Variants in PHKB observed in about 807,000 individuals in gnomAD.
PHKB encodes phosphorylase kinase regulatory subunit beta.
A neutral mutation model predicts 152.1 loss-of-function variants in PHKB; 122 were observed. That is an observed-to-expected ratio of 0.80 (90% CI 0.69 to 0.93). The LOEUF (loss-of-function observed/expected upper bound fraction) is 0.93, where lower values mean the gene tolerates loss of function less well. PHKB is among the 40% of genes least tolerant of loss of function. The probability of loss-of-function intolerance (pLI) is 0.00; values close to 1 mark genes in which losing one functional copy is unlikely to be tolerated. For missense variants in PHKB, 1,304 were observed against 1,328.4 expected (o/e 0.98, Z 0.29); for synonymous variants, 436 against 464.9 (o/e 0.94, Z 0.80).
chr16:47,610,855 G>A lies in PHKB; in HGVS notation c.1393G>A (p.Asp465Asn). 1.9e-6 allele frequency: 3 copies of A among 1,608,658 alleles called. No homozygotes were observed. The highest frequency in any genetic ancestry group is 2.2e-5 in the South Asian group (2 of 90,968). Reference sequence around the variant, plus strand: ...TGAACTTATTAGTCCTAAAGACATTGATCCTGTCCAGCGCTATGTCCCACT... The same window carrying A: ...TGAACTTATTAGTCCTAAAGACATTAATCCTGTCCAGCGCTATGTCCCACT... ...ADELISPKDI[D>N]PVQRYVPLKD... The change falls in exon 14 of 31, where the codon GAT (aspartate) becomes AAT (asparagine). Residue 465 changes from aspartate to asparagine, a missense_variant. By Grantham distance (23) the Asp-to-Asn change is conservative (BLOSUM62 1). Transcript: ENST00000323584.
At chr16:47,631,319 C>T (rs766724127) in intron 14 of PHKB, among the ~76,000 whole-genome samples, 7 of 152,144 alleles carry the variant, frequency 4.6e-5, no homozygotes, top group Admixed American at 2.0e-4. Flanking sequence ...TTAAACCGCT[C>T]GTCACCTCAG....
At chr16:47,680,702 A>G (rs1037047029) in intron 26 of PHKB, among the ~76,000 whole-genome samples, 6 of 151,476 alleles carry the variant, frequency 4.0e-5, no homozygotes, top group Non-Finnish European at 8.8e-5. Flanking sequence ...AGTTTTGTTG[A>G]TCTTTTCAAA....
At chr16:47,610,781 A>G in intron 13 of PHKB, 45 bp from the exon 14 acceptor site, 1 of 1,046,488 alleles carries the variant, frequency 9.6e-7, no homozygotes. Context: ...TTATAGTGTT[A>G]TGCAAATGCA....
chr16:47,594,953 A>T (rs1334915518), intron 12 of PHKB, among the ~76,000 whole-genome samples: 1 of 152,224 alleles, frequency 6.6e-6, no homozygotes. Flanking sequence ...CAGATATCTC[A>T]GAGTAAATAC....
chr16:47,542,360 T>C (rs1971075537), intron 6 of PHKB, among the ~76,000 whole-genome samples: 1 of 152,156 alleles, frequency 6.6e-6, no homozygotes, highest in Non-Finnish European at 1.5e-5. Context: ...GTGGTGTCTA[T>C]CTCTGTTTTG....
At chr16:47,567,125 G>GA (rs1237829695) in intron 7 of PHKB, among the ~76,000 whole-genome samples, 1 of 151,906 alleles carries the variant, frequency 6.6e-6, no homozygotes, top group African/African-American at 2.4e-5. Flanking sequence ...CTAAATCTGT[G>GA]AAAAAATGAC....
intron 7 of PHKB, among the ~76,000 whole-genome samples, chr16:47,568,970 T>G (rs1971613398): frequency 6.6e-6 from 1 of 152,208 alleles, no homozygotes; most frequent in Non-Finnish European, 1.5e-5. Context: ...ATGTTCCATG[T>G]GCTGATGAGA....
chr16:47,555,651 T>C (rs922174696), intron 7 of PHKB, among the ~76,000 whole-genome samples: 7 of 152,240 alleles, frequency 4.6e-5, no homozygotes, highest in African/African-American at 1.7e-4. Context: ...GAGTGTCTTG[T>C]ACCATTAAAA....
chr16:47,489,833 A>G (rs540893733), intron 1 of PHKB, among the ~76,000 whole-genome samples: 4 of 152,298 alleles, frequency 2.6e-5, no homozygotes, highest in Admixed American at 1.3e-4. Context: ...AGTTTCTCCA[A>G]TTGTGTCCTG....
chr16:47,683,536 ACTCCGTGGCCATAGGACC>A (rs1973903756), intron 26 of PHKB, among the ~76,000 whole-genome samples: 1 of 151,800 alleles, frequency 6.6e-6, no homozygotes, highest in Non-Finnish European at 1.5e-5. Context: ...AATCAGCGAG[ACTCCGTGGCCATAGGACC>A]CTCCGAGCCA....
At chr16:47,511,637 T>C in intron 4 of PHKB, 28 bp from the exon 5 acceptor site, 1 of 1,403,296 alleles carries the variant, frequency 7.1e-7, no homozygotes. Flanking sequence ...GAATTACTAA[T>C]GTTGTTTAAT....
At chr16:47,571,927 G>A (rs1038753913) in intron 7 of PHKB, among the ~76,000 whole-genome samples, 2 of 152,114 alleles carry the variant, frequency 1.3e-5, no homozygotes, top group Non-Finnish European at 2.9e-5. Flanking sequence ...ATTCCCATGG[G>A]AATGGTGATC....
intron 6 of PHKB, among the ~76,000 whole-genome samples, chr16:47,541,633 T>G (rs980609029): frequency 3.3e-5 from 5 of 152,338 alleles, no homozygotes; most frequent in Admixed American, 2.6e-4. Flanking sequence ...AGTGTTCCTA[T>G]TTCTGCACAT....
At chr16:47,473,245 TTTTTTTTA>T in intron 1 of PHKB, among the ~76,000 whole-genome samples, 1 of 131,488 alleles carries the variant, frequency 7.6e-6, no homozygotes, top group Non-Finnish European at 1.6e-5. Flanking sequence ...TTTTTTTTTT[TTTTTTTTA>T]TTGTAGAGAC....
intron 14 of PHKB, among the ~76,000 whole-genome samples, chr16:47,635,540 T>C (rs1042966248): frequency 6.6e-6 from 1 of 152,176 alleles, no homozygotes; most frequent in Non-Finnish European, 1.5e-5. Context: ...CTTATAGAGA[T>C]AAGGAATGCT....
intron 7 of PHKB, among the ~76,000 whole-genome samples, chr16:47,572,036 G>A (rs1971668745): frequency 6.6e-6 from 1 of 152,180 alleles, no homozygotes; most frequent in Non-Finnish European, 1.5e-5. Context: ...CTTGGCAAGG[G>A]ATATAGTCAT....
chr16:47,499,620 A>G, intron 2 of PHKB, 136 bp from the exon 3 acceptor site: 10 of 986,204 alleles, frequency 1.0e-5, no homozygotes, highest in Non-Finnish European at 1.6e-5. Flanking sequence ...CCACATCTTC[A>G]GAAGTATTGT....
In PHKB at chr16:47,472,379, C is replaced by T. The variant is rs145764655; in HGVS notation, c.76+10953C>T. Among the ~76,000 whole-genome samples, 1,086 of 152,256 alleles carry T rather than the reference C, an allele frequency of 7.1e-3. 17 individuals are homozygous for T. The highest frequency in any genetic ancestry group is 0.025 in the African/African-American group (1,040 of 41,530). On this transcript the variant is annotated intron_variant, in intron 1 of 30. Transcript: ENST00000323584. The stretch of plus-strand genomic sequence containing the variant: ...CTGATTAGAAAACAACTGCCCATTG[C>T]GGTGGCTCATGCCTGTAATCCTAGC...
chr16:47,631,643 G>A (rs1597137484), intron 14 of PHKB, among the ~76,000 whole-genome samples: 1 of 151,956 alleles, frequency 6.6e-6, no homozygotes, highest in African/African-American at 2.4e-5. Flanking sequence ...CCCACCCTCC[G>A]ACAGGCCCCA....
Sources: allele counts gnomAD v4.1 joint callset (sites outside exome capture counted in the v4.1 genomes callset), GRCh38; gene constraint gnomAD v4.1.1; transcripts MANE v1.5; gene names NCBI Gene and HGNC (gene_info 2026-07-23, HGNC 2026-07-21).